The following WDR70 variants were observed in gnomAD, a reference collection of about 807,000 sequenced individuals.
WDR70 encodes the protein WD repeat domain 70, also known as WD repeat-containing protein 70.
A neutral mutation model predicts 88.6 loss-of-function variants in WDR70; 53 were observed. The observed-to-expected ratio is 0.60, with a 90% CI of 0.48 to 0.75. The LOEUF is 0.75. Ranked by LOEUF, WDR70 falls within the 30% of genes least tolerant of loss-of-function variation. WDR70 has a pLI of 0.00. For missense variants in WDR70, 610 were observed against 823.2 expected, an observed-to-expected ratio of 0.74 and a Z score of 3.17; for synonymous variants, 280 against 270.0, an observed-to-expected ratio of 1.04 and a Z score of -0.36.
chr5:37,635,920 G>T (rs1041594001), intron 10 of WDR70, among the ~76,000 whole-genome samples: 1 of 152,076 alleles, frequency 6.6e-6, no homozygotes, highest in East Asian at 1.9e-4. Flanking sequence ...TTTTATAAGG[G>T]GCTTTCCCCC....
At chr5:37,642,876 A>G (rs1745139871) in intron 10 of WDR70, among the ~76,000 whole-genome samples, 1 of 152,024 alleles carries the variant, frequency 6.6e-6, no homozygotes, top group Non-Finnish European at 1.5e-5. Context: ...CTCCTTACCT[A>G]TTCTGGTTAT....
intron 13 of WDR70, among the ~76,000 whole-genome samples, chr5:37,720,025 C>CA (rs1487119834): frequency 6.6e-6 from 1 of 151,654 alleles, no homozygotes; most frequent in Non-Finnish European, 1.5e-5. Context: ...AATGTTCTAT[C>CA]AAAAAGGATC....
chr5:37,614,206 C>G (rs1744266915), intron 10 of WDR70, among the ~76,000 whole-genome samples: 1 of 152,142 alleles, frequency 6.6e-6, no homozygotes, highest in Admixed American at 6.6e-5. Flanking sequence ...TAGAGGCCGC[C>G]CTTTTATCTT....
intron 9 of WDR70, among the ~76,000 whole-genome samples, chr5:37,569,767 T>C (rs928242927): frequency 3.9e-5 from 6 of 152,140 alleles, no homozygotes; most frequent in East Asian, 1.9e-4. Context: ...GAAATTCTAA[T>C]GATAGGAACA....
intron 10 of WDR70, among the ~76,000 whole-genome samples, chr5:37,690,251 G>C (rs888445349): frequency 1.3e-5 from 2 of 152,240 alleles, no homozygotes; most frequent in African/African-American, 4.8e-5. Flanking sequence ...GTACCTGAAA[G>C]TGATGGGGAG....
At chr5:37,482,872 A>T (rs946655509) in intron 8 of WDR70, among the ~76,000 whole-genome samples, 3 of 152,204 alleles carry the variant, frequency 2.0e-5, no homozygotes, top group African/African-American at 4.8e-5. Context: ...ATTTTATGCT[A>T]GGCTTTAGGT....
chr5:37,690,500 C>G (rs1484989430), intron 10 of WDR70, among the ~76,000 whole-genome samples: 3 of 152,222 alleles, frequency 2.0e-5, no homozygotes, highest in African/African-American at 7.2e-5. Flanking sequence ...ATCAGACTAA[C>G]AGTGGATCTC....
chr5:37,739,101 C>T (rs545796638), intron 17 of WDR70, among the ~76,000 whole-genome samples: 1 of 152,142 alleles, frequency 6.6e-6, no homozygotes, highest in Non-Finnish European at 1.5e-5. Context: ...ATGAGTTACT[C>T]AAACTGGAAA....
At chr5:37,386,226 T>C (rs1222398980) in intron 3 of WDR70, among the ~76,000 whole-genome samples, 1 of 152,220 alleles carries the variant, frequency 6.6e-6, no homozygotes, top group South Asian at 2.1e-4. Context: ...TTAAACAATT[T>C]AGTGAATGTT....
chr5:37,425,737 A>G (rs942769628), intron 5 of WDR70, among the ~76,000 whole-genome samples: 5 of 152,144 alleles, frequency 3.3e-5, no homozygotes, highest in Admixed American at 2.0e-4. Context: ...GAGTAATGGC[A>G]TAATTTGAAA....
intron 10 of WDR70, among the ~76,000 whole-genome samples, chr5:37,624,656 A>C (rs1744616282): frequency 6.6e-6 from 1 of 152,232 alleles, no homozygotes; most frequent in Admixed American, 6.5e-5. Flanking sequence ...TTTATTTATC[A>C]TGTATATATG....
intron 8 of WDR70, among the ~76,000 whole-genome samples, chr5:37,500,952 T>C (rs1353498921): frequency 1.3e-5 from 2 of 152,174 alleles, no homozygotes; most frequent in Non-Finnish European, 2.9e-5. Flanking sequence ...TTGGCCAGGC[T>C]GGTCTTGAAC....
intron 13 of WDR70, among the ~76,000 whole-genome samples, chr5:37,712,915 T>G (rs2112680746): frequency 6.6e-6 from 1 of 152,208 alleles, no homozygotes; most frequent in East Asian, 1.9e-4. Context: ...TTGGCCAGGC[T>G]GGTCTCCAAC....
At chr5:37,698,669 A>C (rs181564404) in intron 11 of WDR70, among the ~76,000 whole-genome samples, 3 of 152,164 alleles carry the variant, frequency 2.0e-5, no homozygotes, top group Non-Finnish European at 4.4e-5. Context: ...TCATAGACAG[A>C]ATCCTTTTCC....
intron 7 of WDR70, among the ~76,000 whole-genome samples, chr5:37,473,420 T>C (rs1441040964): frequency 6.6e-6 from 1 of 151,466 alleles, no homozygotes; most frequent in Non-Finnish European, 1.5e-5. Context: ...CTCGGCTCAC[T>C]GTAACCTCTG....
chr5:37,444,198 A>G (rs535800771), intron 7 of WDR70, among the ~76,000 whole-genome samples: 9 of 152,120 alleles, frequency 5.9e-5, no homozygotes, highest in African/African-American at 2.2e-4. Context: ...AAACATTCCA[A>G]TTAATTCTGA....
chr5:37,514,102 A>G (rs918816402), intron 8 of WDR70, among the ~76,000 whole-genome samples: 2 of 151,178 alleles, frequency 1.3e-5, no homozygotes, highest in African/African-American at 4.9e-5. Flanking sequence ...GTAACCTCCA[A>G]CTCCTGGGTT....
chr5:37,725,721 T>C (rs1747952133), intron 16 of WDR70, among the ~76,000 whole-genome samples: 1 of 152,134 alleles, frequency 6.6e-6, no homozygotes, highest in South Asian at 2.1e-4. Flanking sequence ...CCAAAAAAGA[T>C]TTTTTCTTGG....
rs10547667 is a variant in WDR70 at position 37,461,105 on chromosome 5, CAA to C, written c.686+17752_686+17753del. 6.2e-3 allele frequency among the ~76,000 whole-genome samples: 386 copies of C among 62,302 alleles called. 3 individuals carry two copies. Among genetic ancestry groups the C allele is most frequent in the African/African-American group, 0.017 (320 of 19,174 alleles). The allele number at this position is 62,302 out of a possible 152,430, so 40.9% of individuals were successfully genotyped here. A position where few individuals can be genotyped will look rare whatever the true frequency, so the allele number is the denominator to read the frequency against. On this transcript the variant is annotated intron_variant, in intron 7 of 17. Transcript: ENST00000265107. ...AATGGCAAATAAATATTTCTAACCT[CAA>C]AAAAAAAAAAAAAAAAAATAAAGGG...
Sources: allele counts gnomAD v4.1 joint callset (sites outside exome capture counted in the v4.1 genomes callset), GRCh38; gene constraint gnomAD v4.1.1; transcripts MANE v1.5; gene names NCBI Gene and HGNC (gene_info 2026-07-23, HGNC 2026-07-21).